Variants in RIN2 observed in about 807,000 individuals in gnomAD.
RIN2 encodes Ras and Rab interactor 2, also known as RAB5 interacting protein 2.
Under a neutral mutation model 78.0 loss-of-function variants are expected in RIN2, and 36 were observed. The observed-to-expected ratio is 0.46, with a 90% CI of 0.35 to 0.61. RIN2 has a LOEUF of 0.61. Among genes scored for constraint, RIN2 ranks in the 20% least tolerant of loss-of-function variants. The pLI is 0.00. For synonymous variants in RIN2, 466 were observed against 466.8 expected (o/e 1.00, Z 0.02); for missense variants, 1,087 against 1,159.7 (o/e 0.94, Z 0.91).
intron 2 of RIN2, among the ~76,000 whole-genome samples, chr20:19,814,165 G>C (rs2035689948): frequency 6.6e-6 from 1 of 152,192 alleles, no homozygotes; most frequent in Admixed American, 6.5e-5. Flanking sequence ...TGTTTACGAG[G>C]TCACACAATA....
At chr20:19,923,390 T>C (rs972301706) in intron 3 of RIN2, among the ~76,000 whole-genome samples, 22 of 149,374 alleles carry the variant, frequency 1.5e-4, no homozygotes, top group Non-Finnish European at 2.8e-4. Context: ...TACTCCAGCC[T>C]GGGAGATGGA....
chr20:19,887,350 T>C (rs1371035936), intron 2 of RIN2, among the ~76,000 whole-genome samples: 2 of 152,124 alleles, frequency 1.3e-5, no homozygotes, highest in African/African-American at 2.4e-5. Flanking sequence ...ACTTTATTTT[T>C]TAAAATAATA....
chr20:19,934,755 G>A (rs1355667038), intron 3 of RIN2: 2 of 274,534 alleles, frequency 7.3e-6, no homozygotes, highest in Non-Finnish European at 1.1e-5. Flanking sequence ...GTTTTGCCAG[G>A]ATGTATTTAT....
chr20:20,000,538 C>G (rs2043111277), intron 12 of RIN2, 75 bp from the exon 13 acceptor site: 1 of 1,220,360 alleles, frequency 8.2e-7, no homozygotes, highest in Non-Finnish European at 1.2e-6. Flanking sequence ...CAGTTACCCC[C>G]TCCCCTGGTC....
At chr20:19,842,491 C>T (rs945458901) in intron 2 of RIN2, among the ~76,000 whole-genome samples, 2 of 149,082 alleles carry the variant, frequency 1.3e-5, no homozygotes, top group Admixed American at 1.4e-4. Flanking sequence ...ATCCACCTGC[C>T]TCGGCCTCCC....
At chr20:19,834,783 A>G (rs1218550515) in intron 2 of RIN2, among the ~76,000 whole-genome samples, 3 of 152,122 alleles carry the variant, frequency 2.0e-5, no homozygotes, top group African/African-American at 7.2e-5. Flanking sequence ...AATGTTCATC[A>G]TTCTCTTTAA....
chr20:19,963,088 C>T (rs746869232), intron 6 of RIN2, among the ~76,000 whole-genome samples: 10 of 152,188 alleles, frequency 6.6e-5, no homozygotes, highest in Non-Finnish European at 1.2e-4. Context: ...CATCTCCCCC[C>T]ACCACCCTTC....
At chr20:19,779,698 G>T (rs1338154129) in intron 1 of RIN2, among the ~76,000 whole-genome samples, 1 of 152,188 alleles carries the variant, frequency 6.6e-6, no homozygotes, top group Non-Finnish European at 1.5e-5. Flanking sequence ...TATTTTTCTT[G>T]CTTGAACACT....
At chr20:19,906,988 C>T (rs1460153907) in intron 3 of RIN2, among the ~76,000 whole-genome samples, 2 of 152,164 alleles carry the variant, frequency 1.3e-5, no homozygotes, top group Non-Finnish European at 2.9e-5. Flanking sequence ...GATTTATATG[C>T]TACAACTCTG....
intron 1 of RIN2, among the ~76,000 whole-genome samples, chr20:19,796,727 A>T (rs2035066907): frequency 1.3e-5 from 2 of 152,150 alleles, no homozygotes; most frequent in Admixed American, 1.3e-4. Context: ...CTGGGCTTGG[A>T]GCTTGCTTAA....
chr20:19,784,576 C>A (rs2034613042), intron 1 of RIN2, among the ~76,000 whole-genome samples: 1 of 152,080 alleles, frequency 6.6e-6, no homozygotes, highest in African/African-American at 2.4e-5. Flanking sequence ...CCCAAATCAA[C>A]AAATAGAGCA....
In RIN2 at chr20:20,002,226, C is replaced by T. The variant is rs375862946; in HGVS notation, c.*1290C>T. The stretch of plus-strand genomic sequence containing the variant: ...ACAAACTATGAGGGTCTTGTATCCA[C>T]GTAACACAGGTAGTTACAAAAACAT... On this transcript the variant is annotated 3_prime_UTR_variant, in exon 13 of 13. Coordinates refer to ENST00000255006, the MANE Select transcript of RIN2 (RefSeq NM_018993.4). 2.0e-5 allele frequency: 3 copies of T among 152,406 alleles called. No individual in the cohort carries two copies. Among genetic ancestry groups the T allele is most frequent in the African/African-American group, 7.2e-5 (3 of 41,550 alleles). 9.4% of individuals were successfully genotyped at this position (152,406 alleles called of 1,614,324 possible).
chr20:19,911,517 C>T (rs188579040), intron 3 of RIN2, among the ~76,000 whole-genome samples: 1 of 152,246 alleles, frequency 6.6e-6, no homozygotes, highest in African/African-American at 2.4e-5. Flanking sequence ...AGGACATTCT[C>T]TTGCACAAAC....
At chr20:19,891,382 T>A (rs1380584775) in intron 3 of RIN2, among the ~76,000 whole-genome samples, 1 of 152,198 alleles carries the variant, frequency 6.6e-6, no homozygotes, top group African/African-American at 2.4e-5. Flanking sequence ...TTAAGAGGGA[T>A]GATCCAAAAC....
chr20:19,790,776 G>C (rs531438707), intron 1 of RIN2, among the ~76,000 whole-genome samples: 29 of 152,070 alleles, frequency 1.9e-4, no homozygotes, highest in Admixed American at 5.9e-4. Context: ...CTTAGTTCAG[G>C]TCTCTCTTAC....
rs2123770546 is a variant in RIN2 at position 19,917,346 on chromosome 20, C to G, written c.58-17753C>G. Among the ~76,000 whole-genome samples the G allele has an allele frequency of 2.6e-5, 4 of 152,316 alleles. No homozygotes were observed. The Middle Eastern group carries it at 0.01, about 389-fold the overall frequency. On this transcript the variant is annotated intron_variant, in intron 3 of 12. Transcript: ENST00000255006. ...GTCCAGAGTACTAAATGGCTGAGCC[C>G]AGGAGCTCCAGAGGAAACTTGTCTG...
At chr20:19,807,257 C>G (rs574213462) in intron 2 of RIN2, among the ~76,000 whole-genome samples, 1 of 152,324 alleles carries the variant, frequency 6.6e-6, no homozygotes, top group South Asian at 2.1e-4. Flanking sequence ...ATGTGTTCTG[C>G]CTTTGCTGGA....
At chr20:19,821,967 C>T (rs2035940123) in intron 2 of RIN2, among the ~76,000 whole-genome samples, 3 of 152,176 alleles carry the variant, frequency 2.0e-5, no homozygotes, top group Non-Finnish European at 4.4e-5. Flanking sequence ...CCAAGTTTTA[C>T]CCATCTTCAG....
intron 3 of RIN2, among the ~76,000 whole-genome samples, chr20:19,919,836 A>G (rs2039838102): frequency 6.6e-6 from 1 of 152,192 alleles, no homozygotes; most frequent in Non-Finnish European, 1.5e-5. Flanking sequence ...GAAAGTGCAC[A>G]TTATGTATTT....
Sources: gnomAD v4.1 joint callset for allele counts (sites outside exome capture counted in the v4.1 genomes callset) on GRCh38, gnomAD v4.1.1 for gene constraint, MANE v1.5 for transcripts, NCBI Gene and HGNC (gene_info 2026-07-23, HGNC 2026-07-21) for gene names.